Variants in EPHA6 observed in about 807,000 individuals in gnomAD.
EPHA6 encodes the protein ephrin type-A receptor 6.
EPHA6 carries 50 observed loss-of-function variants against 112.0 expected under a neutral mutation model. The observed-to-expected ratio is 0.45, with a 90% confidence interval of 0.36 to 0.56. The LOEUF (loss-of-function observed/expected upper bound fraction) is 0.56, where lower values mean the gene tolerates loss of function less well. Ranked by LOEUF, EPHA6 falls within the 20% of genes least tolerant of loss-of-function variation. The pLI is 0.00. For missense variants in EPHA6, 1,280 were observed against 1,417.4 expected (o/e 0.90, Z 1.56); for synonymous variants, 529 against 490.7 (o/e 1.08, Z -1.03).
intron 11 of EPHA6, among the ~76,000 whole-genome samples, chr3:97,577,514 A>T (rs1247420051): frequency 2.0e-5 from 3 of 152,124 alleles, no homozygotes; most frequent in Non-Finnish European, 4.4e-5. Context: ...ATTAAAAAAA[A>T]AATCCCCTGT....
At chr3:96,957,539 A>G (rs1220515896) in intron 2 of EPHA6, among the ~76,000 whole-genome samples, 2 of 152,224 alleles carry the variant, frequency 1.3e-5, no homozygotes, top group Admixed American at 6.5e-5. Context: ...CAAGTATACT[A>G]GAAGTTATTA....
intron 11 of EPHA6, among the ~76,000 whole-genome samples, chr3:97,547,560 C>G (rs993793720): frequency 5.9e-5 from 9 of 152,328 alleles, no homozygotes; most frequent in African/African-American, 1.7e-4. Context: ...TCTCAAGCTG[C>G]GTGCTGGGAG....
intron 2 of EPHA6, among the ~76,000 whole-genome samples, chr3:96,985,361 T>G (rs1215228252): frequency 6.6e-6 from 1 of 152,182 alleles, no homozygotes; most frequent in East Asian, 1.9e-4. Context: ...TTCCTATGAG[T>G]AAAATACCTA....
intron 2 of EPHA6, among the ~76,000 whole-genome samples, chr3:96,959,783 A>G (rs2041893464): frequency 6.6e-6 from 1 of 151,988 alleles, no homozygotes; most frequent in Admixed American, 6.6e-5. Context: ...AACAAAAAAA[A>G]TCAAAACGAA....
At chr3:97,196,784 G>C (rs1269753505) in intron 3 of EPHA6, among the ~76,000 whole-genome samples, 1 of 151,722 alleles carries the variant, frequency 6.6e-6, no homozygotes, top group Admixed American at 6.6e-5. Flanking sequence ...TGAATTCTCT[G>C]TATTACCAGG....
chr3:97,249,046 TAAAA>T (rs200772346), intron 5 of EPHA6, among the ~76,000 whole-genome samples: 1 of 139,048 alleles, frequency 7.2e-6, no homozygotes, highest in Admixed American at 7.0e-5. Flanking sequence ...CTATTCAAAG[TAAAA>T]AAAAAAAAAG....
rs1352614942 is a variant in EPHA6, at chr3:97,264,762, T to C, written c.1606+20475T>C. Among the ~76,000 whole-genome samples, 4 of 152,104 alleles carry C rather than the reference T, an allele frequency of 2.6e-5. No individual in the cohort carries two copies. The East Asian group carries it at 7.8e-4, about 30-fold the overall frequency. ...TAGCTTTATTGAGCAATAGAACAGCTCTGAGGAGACCCACAGTGGGAAGCT... is the reference window on the plus strand; with the variant it reads ...TAGCTTTATTGAGCAATAGAACAGCCCTGAGGAGACCCACAGTGGGAAGCT... On this transcript the variant is annotated intron_variant, in intron 5 of 17. Coordinates refer to ENST00000389672, the MANE Select transcript of EPHA6 (RefSeq NM_001080448.3).
At chr3:97,097,984 C>T (rs1183833591) in intron 3 of EPHA6, among the ~76,000 whole-genome samples, 6 of 151,872 alleles carry the variant, frequency 4.0e-5, no homozygotes, top group South Asian at 2.1e-4. Context: ...ATGAATCTTA[C>T]GTTTAAGAAT....
chr3:97,597,659 A>G (rs557992170), intron 12 of EPHA6, among the ~76,000 whole-genome samples: 1 of 152,264 alleles, frequency 6.6e-6, no homozygotes, highest in African/African-American at 2.4e-5. Flanking sequence ...ATGTCTTTAC[A>G]GTACACTAAC....
chr3:97,372,459 A>G (rs2108986467), intron 5 of EPHA6, among the ~76,000 whole-genome samples: 1 of 152,278 alleles, frequency 6.6e-6, no homozygotes, highest in African/African-American at 2.4e-5. Flanking sequence ...AAATTCCCAC[A>G]TGTGGCTAAG....
chr3:97,069,168 G>A (rs950435340), intron 3 of EPHA6, among the ~76,000 whole-genome samples: 1 of 152,058 alleles, frequency 6.6e-6, no homozygotes, highest in African/African-American at 2.4e-5. Context: ...ATAATATAAA[G>A]TCGATTAACA....
At chr3:96,827,020 A>G (rs1233892487) in intron 1 of EPHA6, among the ~76,000 whole-genome samples, 1 of 152,108 alleles carries the variant, frequency 6.6e-6, no homozygotes, top group African/African-American at 2.4e-5. Context: ...GTCACCTAAT[A>G]TACATATGAA....
chr3:97,659,876 G>A (rs1315174570), intron 14 of EPHA6, among the ~76,000 whole-genome samples: 1 of 151,936 alleles, frequency 6.6e-6, no homozygotes, highest in Non-Finnish European at 1.5e-5. Context: ...GTTCAAGTAA[G>A]AGCCTCCCAT....
chr3:97,145,384 C>T (rs1283255461), intron 3 of EPHA6, among the ~76,000 whole-genome samples: 1 of 150,832 alleles, frequency 6.6e-6, no homozygotes, highest in African/African-American at 2.4e-5. Flanking sequence ...ATTTTTCTTC[C>T]TTTAAATCAG....
intron 2 of EPHA6, among the ~76,000 whole-genome samples, chr3:96,868,830 A>G (rs1382158832): frequency 1.3e-5 from 2 of 152,006 alleles, no homozygotes; most frequent in African/African-American, 4.8e-5. Flanking sequence ...AGGTAATTTA[A>G]TCATTGATTC....
Position 96,814,917 on chromosome 3 carries a change from C to T in EPHA6, c.294C>T (p.Cys98=). The T allele has an allele frequency of 6.4e-7, 1 of 1,552,114 alleles. No individual in the cohort carries two copies. The highest frequency in any genetic ancestry group is 8.7e-7 in the Non-Finnish European group (1 of 1,147,076). The change falls in exon 1 of 18, where the codon TGC becomes TGT. Residue 98 remains cysteine, a synonymous_variant. Transcript: ENST00000389672. ...KREPRRTMGG[C]EVREFLLQFG... is the part of the protein sequence containing the mutation. ...AGCCTAGGAGAACCATGGGGGGCTGCGAAGTCCGGGAATTTCTTTTGCAAT... is the reference window on the plus strand; with the variant it reads ...AGCCTAGGAGAACCATGGGGGGCTGTGAAGTCCGGGAATTTCTTTTGCAAT...
chr3:97,691,513 A>C (rs1310497326), intron 14 of EPHA6, among the ~76,000 whole-genome samples: 1 of 152,194 alleles, frequency 6.6e-6, no homozygotes, highest in Non-Finnish European at 1.5e-5. Context: ...TGAATTACAT[A>C]TAGCCTAGTA....
At position 97,752,457 on chromosome 3, in the gene EPHA6, C is replaced by T. The variant is rs1367477740; in HGVS notation, c.*3756C>T. ...TCCTCTTTTAATAAATTTTCTAAAA[C>T]TTTCTCAGCCCTGTTTTTAATTCCC... On this transcript the variant is annotated 3_prime_UTR_variant, in exon 18 of 18. Transcript: ENST00000389672. The T allele has an allele frequency of 4.5e-6, 1 of 220,882 alleles. No individual in the cohort carries two copies. Among genetic ancestry groups the T allele is most frequent in the Non-Finnish European group, 9.1e-6 (1 of 110,332 alleles). 13.7% of individuals were successfully genotyped at this position (220,882 alleles called of 1,614,324 possible).
At chr3:96,956,998 A>G (rs981295662) in intron 2 of EPHA6, among the ~76,000 whole-genome samples, 1 of 151,074 alleles carries the variant, frequency 6.6e-6, no homozygotes, top group Non-Finnish European at 1.5e-5. Flanking sequence ...GCACCACTGC[A>G]CTCCAGCCTG....
Sources: gnomAD v4.1 joint callset for allele counts (sites outside exome capture counted in the v4.1 genomes callset) on GRCh38, gnomAD v4.1.1 for gene constraint, MANE v1.5 for transcripts, NCBI Gene and HGNC (gene_info 2026-07-23, HGNC 2026-07-21) for gene names.